IQCH: variants seen among roughly 807,000 people sequenced by gnomAD.
IQCH encodes IQ domain-containing protein H.
IQCH carries 98 observed loss-of-function variants against 117.0 expected under a neutral mutation model. That is an observed-to-expected ratio of 0.84 (90% confidence interval 0.71 to 0.99). The LOEUF (loss-of-function observed/expected upper bound fraction) is 0.99. Ranked by LOEUF, IQCH falls within the 50% of genes least tolerant of loss-of-function variation. IQCH has a pLI of 0.00. For missense variants in IQCH, 1,102 were observed against 1,243.8 expected, an observed-to-expected ratio of 0.89 and a Z score of 1.72; for synonymous variants, 412 against 448.2, an observed-to-expected ratio of 0.92 and a Z score of 1.02.
intron 4 of IQCH, among the ~76,000 whole-genome samples, chr15:67,309,529 G>T (rs1398767536): frequency 6.6e-6 from 1 of 151,984 alleles, no homozygotes; most frequent in Non-Finnish European, 1.5e-5. Flanking sequence ...AAGCTATATA[G>T]ACTGATGTTG....
chr15:67,493,763 C>A lies in IQCH; in HGVS notation c.2862-495C>A, dbSNP rs951215812. Among the ~76,000 whole-genome samples the A allele has an allele frequency of 6.6e-6, 1 of 152,132 alleles. No homozygotes were observed. Among genetic ancestry groups the A allele is most frequent in the Non-Finnish European group, 1.5e-5 (1 of 68,032 alleles). Reference sequence around the variant, plus strand: ...CATGTTAGTGTCCTGCACCCATTAACTCGTCATTTACATTAGGTATATCTC... The same window carrying A: ...CATGTTAGTGTCCTGCACCCATTAAATCGTCATTTACATTAGGTATATCTC... On this transcript the variant is annotated intron_variant, in intron 19 of 20. Coordinates refer to ENST00000335894, the MANE Select transcript of IQCH (RefSeq NM_001031715.3). This position sits in a 1 kb window ranked among gnomAD's most constrained non-coding sequence, Gnocchi z 5.1.
At chr15:67,278,249 A>G (rs936569637) in intron 3 of IQCH, among the ~76,000 whole-genome samples, 2 of 152,228 alleles carry the variant, frequency 1.3e-5, no homozygotes, top group Non-Finnish European at 2.9e-5. Flanking sequence ...ATTCCAAAAT[A>G]GCTATTTCCT....
intron 13 of IQCH, among the ~76,000 whole-genome samples, chr15:67,399,099 T>A (rs1270843046): frequency 6.6e-6 from 1 of 152,152 alleles, no homozygotes; most frequent in Non-Finnish European, 1.5e-5. Context: ...TACTTCACCC[T>A]TCTCCACCTC....
At chr15:67,318,259 C>CTCTT (rs1465604949) in intron 4 of IQCH, among the ~76,000 whole-genome samples, 4 of 151,948 alleles carry the variant, frequency 2.6e-5, no homozygotes, top group Non-Finnish European at 4.4e-5. Context: ...TTCTCTCTTT[C>CTCTT]TCTTTCTTTC....
In IQCH at chr15:67,370,967, G is replaced by GT. The variant is rs1398222812; in HGVS notation, c.754-1144_754-1143insT. Among the ~76,000 whole-genome samples, 1 of 151,428 alleles carries GT rather than the reference G, an allele frequency of 6.6e-6. No homozygotes were observed. Among genetic ancestry groups the GT allele is most frequent in the Admixed American group, 6.6e-5 (1 of 15,196 alleles). On this transcript the variant is annotated intron_variant, in intron 8 of 20. Coordinates refer to ENST00000335894, the MANE Select transcript of IQCH (RefSeq NM_001031715.3). This position sits in a 1 kb window ranked among gnomAD's most constrained non-coding sequence, Gnocchi z 5.6. ...AATCATTATGGATAAATTGCTGGGG[G>GT]GGGTTTTCTTTGAGTTTTTTGAAAA...
chr15:67,342,184 T>C lies in IQCH; in HGVS notation c.509-1879T>C, dbSNP rs1053371332. On this transcript the variant is annotated intron_variant, in intron 5 of 20. Coordinates refer to ENST00000335894, the MANE Select transcript of IQCH (RefSeq NM_001031715.3). This position sits in a 1 kb window ranked among gnomAD's most constrained non-coding sequence, Gnocchi z 4.7. The stretch of plus-strand genomic sequence containing the variant: ...ACCAAGGATAAGGCAGGAGGATCAC[T>C]TTAGCCCAGGTATTCAAGGGTGCAG... Among the ~76,000 whole-genome samples the C allele has an allele frequency of 8.6e-5, 13 of 151,482 alleles. No homozygotes were observed. The highest frequency in any genetic ancestry group is 3.2e-4 in the African/African-American group (13 of 41,188).
rs951614674 is a variant in IQCH, at chr15:67,486,776, T to C, written c.2800-3227T>C. ...GGTTAATTTTTAAAATATATTTTAT[T>C]TAATCCAGTATATTGAAAATATTGT... is the stretch of plus-strand genomic sequence containing the variant. On this transcript the variant is annotated intron_variant, in intron 18 of 20. Coordinates refer to ENST00000335894, the MANE Select transcript of IQCH (RefSeq NM_001031715.3). Among the ~76,000 whole-genome samples the C allele has an allele frequency of 1.2e-4, 18 of 152,206 alleles. 1 individual carries two copies. Among genetic ancestry groups the C allele is most frequent in the Admixed American group, 9.2e-4 (14 of 15,280 alleles).
intron 19 of IQCH, among the ~76,000 whole-genome samples, chr15:67,492,184 T>C (rs2083674152): frequency 6.6e-6 from 1 of 152,182 alleles, no homozygotes; most frequent in South Asian, 2.1e-4. Context: ...TCCCAACTTA[T>C]GAATCGAGTT....
Position 67,390,316 on chromosome 15 carries a change from T to G in IQCH, c.1632+1310T>G, listed in dbSNP as rs979539843. 6.6e-6 allele frequency among the ~76,000 whole-genome samples: 1 copy of G among 152,174 alleles called. No individual in the cohort carries two copies. The highest frequency in any genetic ancestry group is 2.4e-5 in the African/African-American group (1 of 41,442). Reference sequence around the variant, plus strand: ...TACCATTAGTGTTTAGTTAAATTCCTGATTTTCTCCAGCCAGAAAATTGAT... The same window carrying G: ...TACCATTAGTGTTTAGTTAAATTCCGGATTTTCTCCAGCCAGAAAATTGAT... On this transcript the variant is annotated intron_variant, in intron 12 of 20. Transcript: ENST00000335894. The surrounding 1 kb of genome is among the most constrained non-coding windows in gnomAD (Gnocchi z 5.0).
rs965476909 is a variant in IQCH, at chr15:67,403,174, C to T, written c.2097+2869C>T. Among the ~76,000 whole-genome samples, 9 of 151,202 alleles carry T rather than the reference C, an allele frequency of 6.0e-5. No homozygotes were observed. The highest frequency in any genetic ancestry group is 4.6e-4 in the Admixed American group (7 of 15,192). On this transcript the variant is annotated intron_variant, in intron 14 of 20. Transcript: ENST00000335894. The surrounding 1 kb of genome is among the most constrained non-coding windows in gnomAD (Gnocchi z 4.8). ...CTGAGGCAGGAGAATTGCTTGAACC[C>T]AGGAGACAGAGGTTGCAGTGAGCCG...
chr15:67,475,171 G>T lies in IQCH; in HGVS notation c.2677-525G>T, dbSNP rs2083172302. 6.6e-6 allele frequency among the ~76,000 whole-genome samples: 1 copy of T among 152,132 alleles called. No homozygotes were observed. The highest frequency in any genetic ancestry group is 1.5e-5 in the Non-Finnish European group (1 of 68,022). ...AACTAATGAAATAGAAATAAAGTAT[G>T]GATTTATGTTAATAGTAATGTAGGG... On this transcript the variant is annotated intron_variant, in intron 17 of 20. Coordinates refer to ENST00000335894, the MANE Select transcript of IQCH (RefSeq NM_001031715.3). The surrounding 1 kb of genome is among the most constrained non-coding windows in gnomAD (Gnocchi z 5.7).
intron 14 of IQCH, among the ~76,000 whole-genome samples, chr15:67,410,726 A>T (rs1316516652): frequency 1.3e-5 from 2 of 152,066 alleles, no homozygotes; most frequent in African/African-American, 4.8e-5. Context: ...AGTTTGGAAT[A>T]TTATTACCCT....
chr15:67,292,142 A>C (rs1163973955), intron 4 of IQCH, among the ~76,000 whole-genome samples: 1 of 152,156 alleles, frequency 6.6e-6, no homozygotes, highest in Non-Finnish European at 1.5e-5. Flanking sequence ...ATGGCCATCT[A>C]TGAACTGGGA....
At chr15:67,270,145 A>G (rs551699147) in intron 3 of IQCH, among the ~76,000 whole-genome samples, 1 of 152,300 alleles carries the variant, frequency 6.6e-6, no homozygotes, top group South Asian at 2.1e-4. Context: ...TTTTCTGAAT[A>G]TAAGATCATG....
In IQCH at chr15:67,464,125, A is replaced by G. The variant is rs182095718; in HGVS notation, c.2506-1002A>G. Among the ~76,000 whole-genome samples the G allele has an allele frequency of 4.0e-4, 61 of 152,294 alleles. 1 individual carries two copies. Among genetic ancestry groups the G allele is most frequent in the Admixed American group, 3.9e-3 (60 of 15,304 alleles). ...ATTACAGGTATAAGCCACCGTGCCC[A>G]GCCTGTCTTCACCTTCTTGATGGCA... On this transcript the variant is annotated intron_variant, in intron 16 of 20. Coordinates refer to ENST00000335894, the MANE Select transcript of IQCH (RefSeq NM_001031715.3).
intron 13 of IQCH, among the ~76,000 whole-genome samples, chr15:67,397,592 A>G (rs1395568650): frequency 6.6e-6 from 1 of 152,242 alleles, no homozygotes; most frequent in African/African-American, 2.4e-5. Flanking sequence ...GGATGAATCA[A>G]TAACACTGAC....
chr15:67,353,441 C>T (rs902285847), intron 6 of IQCH, among the ~76,000 whole-genome samples: 1 of 151,468 alleles, frequency 6.6e-6, no homozygotes, highest in Non-Finnish European at 1.5e-5. Context: ...CTCACTGCAA[C>T]CTCTGCCTCC....
rs2083086434 is a variant in IQCH, at chr15:67,472,186, A to G, written c.2677-3510A>G. 6.6e-6 allele frequency among the ~76,000 whole-genome samples: 1 copy of G among 152,200 alleles called. No individual in the cohort carries two copies. The highest frequency in any genetic ancestry group is 2.4e-5 in the African/African-American group (1 of 41,440). ...GCCTTAAAGACTAGAACAGTCACTAACTGGCGAGGAGGGGAGGACGTCCCC... is the reference window on the plus strand; with the variant it reads ...GCCTTAAAGACTAGAACAGTCACTAGCTGGCGAGGAGGGGAGGACGTCCCC... On this transcript the variant is annotated intron_variant, in intron 17 of 20. Transcript: ENST00000335894. The surrounding 1 kb of genome is among the most constrained non-coding windows in gnomAD (Gnocchi z 4.3).
At chr15:67,440,835 C>G (rs1021554635) in intron 16 of IQCH, among the ~76,000 whole-genome samples, 4 of 152,116 alleles carry the variant, frequency 2.6e-5, no homozygotes, top group African/African-American at 9.7e-5. Flanking sequence ...CTCACCACTC[C>G]TCTTTAACAG....
Sources: allele counts gnomAD v4.1 joint callset (sites outside exome capture counted in the v4.1 genomes callset), GRCh38; gene constraint gnomAD v4.1.1; non-coding constraint Gnocchi (gnomAD v3.1); transcripts MANE v1.5; gene names NCBI Gene and HGNC (gene_info 2026-07-23, HGNC 2026-07-21).